Variants in TUBE1 observed in about 807,000 individuals in gnomAD.
TUBE1 encodes tubulin epsilon 1, also known as tubulin epsilon chain.
A neutral mutation model predicts 53.5 loss-of-function variants in TUBE1; 34 were observed. The observed-to-expected ratio is 0.64, with a 90% CI of 0.48 to 0.85. The LOEUF is 0.85. Among genes scored for constraint, TUBE1 ranks in the 40% least tolerant of loss-of-function variants. TUBE1 has a pLI of 0.00. For missense variants in TUBE1, 532 were observed against 570.5 expected (o/e 0.93, Z 0.69); for synonymous variants, 177 against 198.4 (o/e 0.89, Z 0.91).
chr6:112,083,993 A>G lies in TUBE1; in HGVS notation c.210+196T>C, dbSNP rs368902801. ...TTTCTCCTGAAAACAGGCTAACTAC[A>G]GTGTTTTAAAGTATGGGCTTTTCCC... On this transcript the variant is annotated intron_variant, in intron 4 of 11. Transcript: ENST00000368662. 56 of 563,016 alleles carry G rather than the reference A, an allele frequency of 9.9e-5. No homozygotes were observed. In the East Asian group the frequency reaches 1.3e-3, roughly 14 times the overall value. 34.9% of individuals were successfully genotyped at this position (563,016 alleles called of 1,614,324 possible).
At chr6:112,083,481 G>A (rs1377058685) in intron 4 of TUBE1, among the ~76,000 whole-genome samples, 1 of 152,018 alleles carries the variant, frequency 6.6e-6, no homozygotes, top group Non-Finnish European at 1.5e-5. Flanking sequence ...ACCTCGCCCA[G>A]CTAATTTTTT....
chr6:112,078,215 C>T (rs1445383281), intron 6 of TUBE1: 4 of 151,918 alleles, frequency 2.6e-5, no homozygotes, highest in Non-Finnish European at 5.9e-5. Flanking sequence ...TGTACATATG[C>T]TTTGGTCCTA....
intron 5 of TUBE1, among the ~76,000 whole-genome samples, chr6:112,080,801 G>A (rs1274247189): frequency 6.6e-6 from 1 of 152,004 alleles, no homozygotes; most frequent in African/African-American, 2.4e-5. Flanking sequence ...ATAGATAACA[G>A]TTAATGAAAG....
intron 9 of TUBE1, among the ~76,000 whole-genome samples, chr6:112,074,392 G>A (rs990897355): frequency 1.3e-5 from 2 of 150,892 alleles, no homozygotes; most frequent in African/African-American, 5.0e-5. Context: ...GAAAAACTAA[G>A]AAAGTTTAAG....
rs587770571 is a variant in TUBE1, at chr6:112,076,085, C to T, written c.664G>A (p.Asp222Asn). The T allele has an allele frequency of 2.1e-5, 34 of 1,612,302 alleles. No individual in the cohort carries two copies. The highest frequency in any genetic ancestry group is 1.7e-4 in the Middle Eastern group (1 of 6,050). The change falls in exon 8 of 12, where the codon GAC becomes AAC. Residue 222 changes from aspartate (D) to asparagine (N), a missense_variant. Physicochemically the swap from Asp to Asn is conservative, Grantham distance 23 (BLOSUM62 1). Coordinates refer to ENST00000368662, the MANE Select transcript of TUBE1 (RefSeq NM_016262.5). The stretch of plus-strand genomic sequence containing the variant: ...AACTTTCCAGAATTCACCATGAGGT[C>T]GATTTTGCTAATGATGTCAAATAAA... ...QSLFDIISKI[D>N]LMVNSGKLGT...
intron 5 of TUBE1, 149 bp downstream of exon 5, chr6:112,080,943 C>T: frequency 2.2e-6 from 1 of 445,882 alleles, no homozygotes; most frequent in Non-Finnish European, 3.9e-6. Context: ...CAGGTGGCTT[C>T]CAAGCCACTA....
At chr6:112,074,125 T>A (rs587731422) in intron 9 of TUBE1, among the ~76,000 whole-genome samples, 1 of 152,354 alleles carries the variant, frequency 6.6e-6, no homozygotes, top group Admixed American at 6.5e-5. Flanking sequence ...TGAATGCCAC[T>A]GTGAACTTTT....
rs782676655 is a variant in TUBE1 at position 112,079,657 on chromosome 6, A to G, written c.424T>C (p.Phe142Leu). ...AEHCDCLQCF[F>L]IIHSMGGGTG... Reference sequence around the variant, plus strand: ...CCTCCTCCCATGGAATGTATTATAAAGAAACACTGCAAGCAATCACAGTGC... The same window carrying G: ...CCTCCTCCCATGGAATGTATTATAAGGAAACACTGCAAGCAATCACAGTGC... Residue 142 changes from phenylalanine (F) to leucine (L), a missense_variant, in exon 6 of 12, where the codon TTT becomes CTT. Physicochemically the swap from Phe to Leu is conservative, Grantham distance 22. Coordinates refer to ENST00000368662, the MANE Select transcript of TUBE1 (RefSeq NM_016262.5). 5 of 1,612,630 alleles carry G rather than the reference A, an allele frequency of 3.1e-6. No individual in the cohort carries two copies. The highest frequency in any genetic ancestry group is 4.2e-6 in the Non-Finnish European group (5 of 1,179,190).
chr6:112,085,171 T>C (rs587738106), intron 3 of TUBE1, among the ~76,000 whole-genome samples: 1 of 152,336 alleles, frequency 6.6e-6, no homozygotes, highest in South Asian at 2.1e-4. Context: ...TAAATTCCTA[T>C]CATGCTACTC....
intron 6 of TUBE1, 122 bp downstream of exon 6, chr6:112,079,511 A>C: frequency 1.1e-6 from 1 of 930,472 alleles, no homozygotes; most frequent in Non-Finnish European, 1.6e-6. Flanking sequence ...TACTCAAACT[A>C]CACACCCTCC....
intron 4 of TUBE1, 100 bp from the exon 5 acceptor site, chr6:112,081,307 TTA>T (rs1484478974): frequency 7.7e-6 from 4 of 517,520 alleles, no homozygotes; most frequent in African/African-American, 3.9e-5. Flanking sequence ...ACTGTTCTCT[TTA>T]TAGTTTAAGC....
chr6:112,076,562 G>T, intron 6 of TUBE1, 53 bp from the exon 7 acceptor site: 1 of 1,459,060 alleles, frequency 6.9e-7, no homozygotes, highest in Non-Finnish European at 9.2e-7. Context: ...GAATATAATT[G>T]TGAAGAATTT....
chr6:112,079,417 A>G lies in TUBE1; in HGVS notation c.448+216T>C, dbSNP rs1319143907. The stretch of plus-strand genomic sequence containing the variant: ...GTTCTGTTGACTCTTAAGAGGGCTT[A>G]CATTAAAAAAAAAAAAAAAGAAAAG... On this transcript the variant is annotated intron_variant, in intron 6 of 11. Transcript: ENST00000368662. 31 of 388,426 alleles carry G rather than the reference A, an allele frequency of 8.0e-5. No individual in the cohort carries two copies. The East Asian group carries it at 1.3e-3, about 16-fold the overall frequency. The allele number at this position is 388,426 out of a possible 1,614,324, so 24.1% of individuals were successfully genotyped here. A position where few individuals can be genotyped will look rare whatever the true frequency, so the allele number is the denominator to read the frequency against.
At chr6:112,075,273 A>T (rs1554315896) in intron 8 of TUBE1, 2 of 152,364 alleles carry the variant, frequency 1.3e-5, no homozygotes. Context: ...GCTGATCTCC[A>T]GCTCCTGGGC....
Position 112,072,747 on chromosome 6 carries a change from A to G in TUBE1, c.1094+11T>C, listed in dbSNP as rs1340307155. 1.2e-6 allele frequency: 2 copies of G among 1,611,806 alleles called. No individual in the cohort carries two copies. Among genetic ancestry groups the G allele is most frequent in the Non-Finnish European group, 1.7e-6 (2 of 1,178,898 alleles). On this transcript the variant is annotated intron_variant, in intron 10 of 11. Transcript: ENST00000368662. Reference sequence around the variant, plus strand: ...GCACACACAAATTATCTTTAAAAATATAAACCAAACCTTTCAATATTTCTA... The same window carrying G: ...GCACACACAAATTATCTTTAAAAATGTAAACCAAACCTTTCAATATTTCTA...
chr6:112,076,650 G>T, intron 6 of TUBE1, 141 bp from the exon 7 acceptor site: 2 of 615,970 alleles, frequency 3.2e-6, no homozygotes, highest in Non-Finnish European at 2.6e-6. Flanking sequence ...GCTCAATGCA[G>T]CCTTGACCTC....
intron 4 of TUBE1, among the ~76,000 whole-genome samples, chr6:112,081,785 C>T (rs1263110794): frequency 2.7e-5 from 3 of 109,900 alleles, no homozygotes; most frequent in East Asian, 4.8e-4. Flanking sequence ...ATATAAAACA[C>T]AAAATTAATT....
chr6:112,074,915 C>G, intron 8 of TUBE1, 65 bp from the exon 9 acceptor site: 2 of 1,141,044 alleles, frequency 1.8e-6, no homozygotes, highest in Non-Finnish European at 2.4e-6. Flanking sequence ...AAATGTAGCT[C>G]GATTTATTCA....
chr6:112,076,327 T>G lies in TUBE1; in HGVS notation c.631A>C (p.Asn211His). 1 of 1,564,614 alleles carries G rather than the reference T, an allele frequency of 6.4e-7. No individual in the cohort carries two copies. The highest frequency in any genetic ancestry group is 2.3e-5 in the East Asian group (1 of 44,250). Residue 211 changes from asparagine (N) to histidine (H), a missense_variant, in exon 7 of 12, where the codon AAT (asparagine) becomes CAT (histidine). Coordinates refer to ENST00000368662, the MANE Select transcript of TUBE1 (RefSeq NM_016262.5). ...GTTCCAATGTCATTTCTTACTTGAT[T>G]GTCAATGGGCAATACACAGTCTGCA... ...EHADCVLPID[N>H]QSLFDIISKI... is the part of the protein sequence containing the mutation.
Sources: gnomAD v4.1 joint callset for allele counts (sites outside exome capture counted in the v4.1 genomes callset) on GRCh38, gnomAD v4.1.1 for gene constraint, MANE v1.5 for transcripts, NCBI Gene and HGNC (gene_info 2026-07-23, HGNC 2026-07-21) for gene names.